Variants in ZNF365 observed in about 807,000 individuals in gnomAD.
ZNF365 encodes protein ZNF365.
ZNF365 carries 22 observed loss-of-function variants against 35.0 expected under a neutral mutation model. The observed-to-expected ratio is 0.63, with a 90% CI of 0.45 to 0.90. The LOEUF is 0.90. Among genes scored for constraint, ZNF365 ranks in the 40% least tolerant of loss-of-function variants. ZNF365 has a pLI of 0.00. For missense variants in ZNF365, 448 were observed against 500.3 expected (o/e 0.90, Z 1.00); for synonymous variants, 188 against 196.2 (o/e 0.96, Z 0.35).
At chr10:62,475,733 G>A (rs1184383298) in intron 4 of ZNF365, among the ~76,000 whole-genome samples, 5 of 152,170 alleles carry the variant, frequency 3.3e-5, no homozygotes, top group Admixed American at 2.6e-4. Context: ...CACTGGCCCC[G>A]AGGGCACCAT....
chr10:62,419,045 C>T (rs1431054642), intron 3 of ZNF365, among the ~76,000 whole-genome samples: 1 of 152,016 alleles, frequency 6.6e-6, no homozygotes, highest in Non-Finnish European at 1.5e-5. Flanking sequence ...TTGCCAATAT[C>T]AACATTGACT....
intron 3 of ZNF365, among the ~76,000 whole-genome samples, chr10:62,453,665 T>A (rs371984377): frequency 6.6e-6 from 1 of 152,218 alleles, no homozygotes. Context: ...GTGGGATTGC[T>A]GGATCAAATG....
chr10:62,413,873 C>A (rs1050547480), intron 3 of ZNF365, among the ~76,000 whole-genome samples: 1 of 152,144 alleles, frequency 6.6e-6, no homozygotes, highest in East Asian at 1.9e-4. Flanking sequence ...TTGTAAACAA[C>A]GTGAAACAGA....
At chr10:62,471,945 A>C (rs1286653185) in intron 4 of ZNF365, among the ~76,000 whole-genome samples, 1 of 152,232 alleles carries the variant, frequency 6.6e-6, no homozygotes, top group Non-Finnish European at 1.5e-5. Flanking sequence ...TGTTTCCACA[A>C]ATGCAATTAT....
At chr10:62,461,210 T>C (rs1418801275) in intron 4 of ZNF365, among the ~76,000 whole-genome samples, 3 of 152,136 alleles carry the variant, frequency 2.0e-5, no homozygotes, top group South Asian at 2.1e-4. Flanking sequence ...CTGTGGGAGA[T>C]GGGATTCTTT....
rs1351770177 is a variant in ZNF365 at position 62,401,202 on chromosome 10, A to T, written c.*1413A>T. The stretch of plus-strand genomic sequence containing the variant: ...ATTAATAATTTATTTTTAAATACTC[A>T]TGGAGAAAGTGTGTGTTTGTGGTGG... On this transcript the variant is annotated 3_prime_UTR_variant, in exon 5 of 5. Transcript: ENST00000395254. 4 of 982,912 alleles carry T rather than the reference A, an allele frequency of 4.1e-6. No individual in the cohort carries two copies. In the East Asian group the frequency reaches 4.5e-4, roughly 110 times the overall value. The allele number at this position is 982,912 out of a possible 1,614,324, so 60.9% of individuals were successfully genotyped here.
Position 62,400,780 on chromosome 10 carries a change from A to G in ZNF365, c.*991A>G, listed in dbSNP as rs1032621922. 1.8e-5 allele frequency: 18 copies of G among 983,762 alleles called. No homozygotes were observed. The African/African-American group carries it at 3.2e-4, about 17-fold the overall frequency. 60.9% of individuals were successfully genotyped at this position (983,762 alleles called of 1,614,324 possible). A position where few individuals can be genotyped will look rare whatever the true frequency, so the allele number is the denominator to read the frequency against. ...TTCTCTTCGCTGGCTTAACTTTTCC[A>G]CTGGGTGGTTCACTTTGCCTCCTGC... On this transcript the variant is annotated 3_prime_UTR_variant, in exon 5 of 5. Transcript: ENST00000395254.
chr10:62,468,056 T>G (rs1840973074), intron 4 of ZNF365, among the ~76,000 whole-genome samples: 1 of 152,188 alleles, frequency 6.6e-6, no homozygotes, highest in Non-Finnish European at 1.5e-5. Context: ...ATTGCACATT[T>G]TTATGTGAAG....
chr10:62,391,350 C>T (rs1341172770), intron 3 of ZNF365, among the ~76,000 whole-genome samples: 1 of 152,062 alleles, frequency 6.6e-6, no homozygotes, highest in Non-Finnish European at 1.5e-5. Context: ...GTACACTGTA[C>T]CCAGTTTGTA....
chr10:62,406,059 G>A (rs527835041), downstream of ZNF365, among the ~76,000 whole-genome samples: 22 of 152,294 alleles, frequency 1.4e-4, no homozygotes, highest in South Asian at 4.3e-3. Context: ...AAGGGCAAGA[G>A]GAGTGGACAC....
At chr10:62,411,124 G>A (rs541858748) in intron 3 of ZNF365, among the ~76,000 whole-genome samples, 1 of 152,214 alleles carries the variant, frequency 6.6e-6, no homozygotes, top group African/African-American at 2.4e-5. Context: ...TAGTGGGATT[G>A]TTTGTTTTTT....
At chr10:62,464,084 C>G (rs1840892166) in intron 4 of ZNF365, among the ~76,000 whole-genome samples, 1 of 152,134 alleles carries the variant, frequency 6.6e-6, no homozygotes, top group African/African-American at 2.4e-5. Context: ...CAATGAGAGC[C>G]TGGATAAGTA....
chr10:62,435,430 C>T (rs1325046147), intron 3 of ZNF365, among the ~76,000 whole-genome samples: 2 of 152,154 alleles, frequency 1.3e-5, no homozygotes, highest in Admixed American at 6.5e-5. Context: ...TTGTATTCAA[C>T]ACTAGCTCTG....
chr10:62,449,257 T>C (rs1375626393), intron 3 of ZNF365, among the ~76,000 whole-genome samples: 1 of 152,198 alleles, frequency 6.6e-6, no homozygotes, highest in East Asian at 1.9e-4. Flanking sequence ...CAAACCAAAA[T>C]AAAAGTCTCT....
chr10:62,413,733 T>A (rs1199963027), intron 3 of ZNF365, among the ~76,000 whole-genome samples: 2 of 152,140 alleles, frequency 1.3e-5, no homozygotes, highest in African/African-American at 4.8e-5. Context: ...CTTAATAGGA[T>A]TTTTGGATGG....
chr10:62,440,720 C>A (rs980468261), intron 3 of ZNF365, among the ~76,000 whole-genome samples: 2 of 152,186 alleles, frequency 1.3e-5, no homozygotes, highest in East Asian at 3.8e-4. Flanking sequence ...TCAGCTGGAG[C>A]TTTGCTGAAA....
intron 3 of ZNF365, among the ~76,000 whole-genome samples, chr10:62,410,401 G>T (rs896611495): frequency 6.6e-6 from 1 of 152,066 alleles, no homozygotes; most frequent in African/African-American, 2.4e-5. Context: ...TTAAGTTCTA[G>T]GGTACATGTG....
At chr10:62,378,345 T>C (rs779011310) in intron 2 of ZNF365, among the ~76,000 whole-genome samples, 3 of 152,224 alleles carry the variant, frequency 2.0e-5, no homozygotes, top group Admixed American at 6.5e-5. Flanking sequence ...AAATTAATTT[T>C]TTGAACTTAT....
exon 5 of ZNF365, chr10:62,480,106 C>A (rs752345655): frequency 7.5e-7 from 1 of 1,332,206 alleles, no homozygotes; most frequent in Non-Finnish European, 9.7e-7. Context: ...TCCTCCCTAA[C>A]AAGACTGCAG....
Sources: allele counts gnomAD v4.1 joint callset (sites outside exome capture counted in the v4.1 genomes callset), GRCh38; gene constraint gnomAD v4.1.1; transcripts MANE v1.5; gene names NCBI Gene and HGNC (gene_info 2026-07-23, HGNC 2026-07-21).